The following LRP2 variants were observed in gnomAD, a reference collection of about 807,000 sequenced individuals.
LRP2 encodes low-density lipoprotein receptor-related protein 2.
In LRP2, 172 loss-of-function variants were observed where a neutral mutation model predicts 531.0. That is an observed-to-expected ratio of 0.32 (90% CI 0.29 to 0.37). LRP2 has a LOEUF of 0.37. Among genes scored for constraint, LRP2 ranks in the 10% least tolerant of loss-of-function variants. The probability of loss-of-function intolerance (pLI) is 1.00; values close to 1 mark genes in which losing one functional copy is unlikely to be tolerated. For synonymous variants in LRP2, 1,992 were observed against 2,027.6 expected (o/e 0.98, Z 0.47); for missense variants, 5,167 against 5,868.3 (o/e 0.88, Z 3.90).
intron 1 of LRP2, among the ~76,000 whole-genome samples, chr2:169,347,393 C>T (rs1466010927): frequency 6.6e-6 from 1 of 152,174 alleles, no homozygotes; most frequent in African/African-American, 2.4e-5. Flanking sequence ...AGTAAAGAAA[C>T]TCAGCTCTCA....
chr2:169,131,274 TGTG>T (rs1685279727), intron 77 of LRP2, among the ~76,000 whole-genome samples: 1 of 151,824 alleles, frequency 6.6e-6, no homozygotes, highest in African/African-American at 2.4e-5. Flanking sequence ...TGTGTGTGTG[TGTG>T]TGTGTGTGTG....
chr2:169,177,011 C>T (rs1281752055), intron 53 of LRP2, among the ~76,000 whole-genome samples: 2 of 152,200 alleles, frequency 1.3e-5, no homozygotes, highest in East Asian at 3.8e-4. Flanking sequence ...ATAAACTGAG[C>T]AGCATCTTTA....
intron 29 of LRP2, among the ~76,000 whole-genome samples, chr2:169,234,000 C>T (rs1383898726): frequency 1.3e-5 from 2 of 152,132 alleles, no homozygotes; most frequent in African/African-American, 4.8e-5. Context: ...ACACTTGTGC[C>T]GGCTATTTCC....
chr2:169,239,371 C>A (rs1689722829), intron 26 of LRP2, among the ~76,000 whole-genome samples, 156 bp downstream of exon 26: 1 of 152,150 alleles, frequency 6.6e-6, no homozygotes, highest in Admixed American at 6.5e-5. Context: ...CCCATTTAAT[C>A]CTCACAAAAA....
chr2:169,323,838 T>C (rs1484594996), intron 1 of LRP2, among the ~76,000 whole-genome samples: 5 of 114,354 alleles, frequency 4.4e-5, no homozygotes, highest in African/African-American at 1.4e-4. Flanking sequence ...CTCTCTGGTT[T>C]GGGGGCTGCC....
chr2:169,314,214 T>C (rs1415585889), intron 3 of LRP2, among the ~76,000 whole-genome samples: 1 of 150,678 alleles, frequency 6.6e-6, no homozygotes, highest in Non-Finnish European at 1.5e-5. Flanking sequence ...CTGGGCAACA[T>C]AGTGAGATCC....
In LRP2 at chr2:169,154,622, C is replaced by T. The variant is rs1686267468; in HGVS notation, c.12152-19G>A. The T allele has an allele frequency of 1.2e-6, 2 of 1,611,606 alleles. No individual in the cohort carries two copies. Among genetic ancestry groups the T allele is most frequent in the South Asian group, 2.2e-5 (2 of 91,056 alleles). On this transcript the variant is annotated intron_variant, in intron 65 of 78. Transcript: ENST00000649046. ...GAGCTACCTGTAAACAAACAAAGGG[C>T]TACTTTATCTGTTTGAATTATACTT... is the stretch of plus-strand genomic sequence containing the variant.
In LRP2 at chr2:169,300,203, C is replaced by T. The variant is rs571112660; in HGVS notation, c.428-5493G>A. Among the ~76,000 whole-genome samples, 6 of 152,146 alleles carry T rather than the reference C, an allele frequency of 3.9e-5. No individual in the cohort carries two copies. In the South Asian group the frequency reaches 1.0e-3, roughly 26 times the overall value. On this transcript the variant is annotated intron_variant, in intron 4 of 78. Coordinates refer to ENST00000649046, the MANE Select transcript of LRP2 (RefSeq NM_004525.3). ...AAAATCCCATTTCTCATGGAACAGA[C>T]ATTCTATTTGGGAGAGTGAAATTAC... is the stretch of plus-strand genomic sequence containing the variant.
chr2:169,330,823 T>C (rs1685244263), intron 1 of LRP2, among the ~76,000 whole-genome samples: 1 of 151,818 alleles, frequency 6.6e-6, no homozygotes, highest in African/African-American at 2.4e-5. Flanking sequence ...GAGCTCAAAA[T>C]TATCTTAGCC....
rs375823270 is a variant in LRP2, at chr2:169,239,297, C to A, written c.4294+230G>T. Among the ~76,000 whole-genome samples the A allele has an allele frequency of 2.6e-3, 397 of 152,178 alleles. 21 individuals are homozygous for A. In the South Asian group the frequency reaches 0.069, roughly 27 times the overall value. On this transcript the variant is annotated intron_variant, in intron 26 of 78. Coordinates refer to ENST00000649046, the MANE Select transcript of LRP2 (RefSeq NM_004525.3). ...GTATTATTTTAAATACTTTAAAAATCATTGACTTGTATATGTTTTAACCTC... is the reference window on the plus strand; with the variant it reads ...GTATTATTTTAAATACTTTAAAAATAATTGACTTGTATATGTTTTAACCTC...
At chr2:169,204,664 G>A (rs1183207915) in intron 41 of LRP2, among the ~76,000 whole-genome samples, 2 of 152,106 alleles carry the variant, frequency 1.3e-5, no homozygotes, top group Non-Finnish European at 2.9e-5. Context: ...AGTACCTTGA[G>A]GTGTTTACCT....
intron 49 of LRP2, among the ~76,000 whole-genome samples, chr2:169,187,040 G>T (rs1405214240): frequency 6.6e-6 from 1 of 152,036 alleles, no homozygotes; most frequent in Non-Finnish European, 1.5e-5. Flanking sequence ...TAGAGCAAAA[G>T]CCAGTTTTTG....
At chr2:169,261,553 C>A (rs548021259) in intron 16 of LRP2, among the ~76,000 whole-genome samples, 2 of 151,972 alleles carry the variant, frequency 1.3e-5, no homozygotes, top group East Asian at 3.9e-4. Context: ...GTAATGCCTC[C>A]CTCAACAAAG....
intron 29 of LRP2, 92 bp from the exon 30 acceptor site, chr2:169,233,680 TC>T: frequency 9.2e-7 from 1 of 1,090,404 alleles, no homozygotes; most frequent in Non-Finnish European, 1.4e-6. Flanking sequence ...GAAGACGGTT[TC>T]CTTTAACATG....
chr2:169,344,888 C>G (rs779377402), intron 1 of LRP2, among the ~76,000 whole-genome samples: 12 of 152,074 alleles, frequency 7.9e-5, no homozygotes, highest in Non-Finnish European at 1.8e-4. Flanking sequence ...GTGCTCCTCT[C>G]AAACTAAAAC....
chr2:169,263,800 T>C (rs1477519894), intron 16 of LRP2, among the ~76,000 whole-genome samples: 2 of 152,098 alleles, frequency 1.3e-5, no homozygotes, highest in Non-Finnish European at 2.9e-5. Context: ...TGCACACGTA[T>C]GTTTATTGCG....
In LRP2 at chr2:169,204,062, G is replaced by T; in HGVS notation, c.7925C>A (p.Thr2642Asn). The change falls in exon 42 of 79, where the codon ACT (threonine) becomes AAT (asparagine). Residue 2642 changes from threonine (T) to asparagine (N), a missense_variant. Transcript: ENST00000649046. ...NLLSQPRGIN[T>N]VVKNQKQQCN... ...CTGTTGTTTCTGGTTCTTCACAACA[G>T]TGTTGATTCCCCTGGGCTGGGAGAG... 2.5e-6 allele frequency: 4 copies of T among 1,614,202 alleles called. No homozygotes were observed. Among genetic ancestry groups the T allele is most frequent in the Non-Finnish European group, 3.4e-6 (4 of 1,180,002 alleles).
chr2:169,199,036 T>C, intron 44 of LRP2, 125 bp from the exon 45 acceptor site: 2 of 922,224 alleles, frequency 2.2e-6, no homozygotes, highest in South Asian at 2.8e-5. Context: ...TTCAAAGCCA[T>C]CAGAAAGGCA....
rs757925251 is a variant in LRP2, at chr2:169,206,679, C to T, written c.7041G>A (p.Leu2347=). 6.2e-7 allele frequency: 1 copy of T among 1,614,150 alleles called. No homozygotes were observed. The highest frequency in any genetic ancestry group is 1.1e-5 in the South Asian group (1 of 91,080). Residue 2347 remains leucine, a synonymous_variant, in exon 39 of 79, where the codon TTG becomes TTA. Coordinates refer to ENST00000649046, the MANE Select transcript of LRP2 (RefSeq NM_004525.3). The stretch of plus-strand genomic sequence containing the variant: ...GATGAGAGCACCCACCATTGTTTTC[C>T]AAGCAAGGGTTGTTGTTGACCTCTG... ...SPAEVNNNPC[L]ENNGGCSHLC... is the part of the protein sequence containing the mutation.
Sources: allele counts gnomAD v4.1 joint callset (sites outside exome capture counted in the v4.1 genomes callset), GRCh38; gene constraint gnomAD v4.1.1; transcripts MANE v1.5; gene names NCBI Gene and HGNC (gene_info 2026-07-23, HGNC 2026-07-21).